The following ADAMTS8 variants were observed in gnomAD, a reference collection of about 807,000 sequenced individuals.
ADAMTS8 encodes the protein A disintegrin and metalloproteinase with thrombospondin motifs 8.
Under a neutral mutation model 64.4 loss-of-function variants are expected in ADAMTS8, and 50 were observed. The ratio of observed to expected loss-of-function variants is 0.78; its 90% confidence interval spans 0.62 to 0.98. The LOEUF (loss-of-function observed/expected upper bound fraction) is 0.98, where lower values mean the gene tolerates loss of function less well. Ranked by LOEUF, ADAMTS8 falls within the 50% of genes least tolerant of loss-of-function variation. The pLI is 0.00. For synonymous variants in ADAMTS8, 556 were observed against 533.6 expected (o/e 1.04, Z -0.58); for missense variants, 1,192 against 1,208.2 (o/e 0.99, Z 0.20).
At position 130,416,209 on chromosome 11, in the gene ADAMTS8, G is replaced by A; in HGVS notation, c.1218C>T (p.Ser406=). 1 of 1,597,926 alleles carries A rather than the reference G, an allele frequency of 6.3e-7. No homozygotes were observed. The highest frequency in any genetic ancestry group is 2.3e-5 in the East Asian group (1 of 44,032). The change falls in exon 4 of 9, where the codon TCC becomes TCT. Residue 406 remains serine, a synonymous_variant. Coordinates refer to ENST00000257359, the MANE Select transcript of ADAMTS8 (RefSeq NM_007037.6). The surrounding 1 kb of genome is among the most constrained non-coding windows in gnomAD (Gnocchi z 4.8). ...CTGTGAGATACATGGCGCTGCAGGG[G>A]GACCAGGGCAGCGTCTGGTTCAGGT... ...FVHLNQTLPW[S]PCSAMYLTEL... is the part of the protein sequence containing the mutation.
At chr11:130,406,334 G>C (rs151161033) in intron 8 of ADAMTS8, among the ~76,000 whole-genome samples, 1 of 152,348 alleles carries the variant, frequency 6.6e-6, no homozygotes, top group African/African-American at 2.4e-5. Context: ...AAGGGTGTTT[G>C]CTTCATCTGG....
Position 130,427,931 on chromosome 11 carries a change from C to A in ADAMTS8, c.356G>T (p.Cys119Phe). 6.5e-7 allele frequency: 1 copy of A among 1,532,798 alleles called. No homozygotes were observed. The highest frequency in any genetic ancestry group is 8.7e-7 in the Non-Finnish European group (1 of 1,146,002). 94.9% of individuals were successfully genotyped at this position (1,532,798 alleles called of 1,614,324 possible). The change falls in exon 1 of 9, where the codon TGC becomes TTC. Residue 119 changes from cysteine (C) to phenylalanine (F), a missense_variant. By Grantham distance (205) the Cys-to-Phe change is radical. Coordinates refer to ENST00000257359, the MANE Select transcript of ADAMTS8 (RefSeq NM_007037.6). Reference protein sequence around the residue: ...EPESLAAVSLCRGLSGSFLLD... With the variant: ...EPESLAAVSLFRGLSGSFLLD... The stretch of plus-strand genomic sequence containing the variant: ...CAGGAAGGAGCCGCTCAGCCCGCGG[C>A]ACAGGCTGACCGCCGCCAGCGACTC...
At position 130,419,176 on chromosome 11, in the gene ADAMTS8, G is replaced by A. The variant is rs200985372; in HGVS notation, c.837C>T (p.Gly279=). ...GCCCCCCATTGTCGGACACCTCTGG[G>A]CCCCATTTTTCATCTTCTACGATCA... is the stretch of plus-strand genomic sequence containing the variant. ...KVLIVEDEKW[G]PEVSDNGGLT... Residue 279 remains glycine, a synonymous_variant, in exon 2 of 9, where the codon GGC becomes GGT. Coordinates refer to ENST00000257359, the MANE Select transcript of ADAMTS8 (RefSeq NM_007037.6). 1.8e-3 allele frequency: 2,965 copies of A among 1,614,162 alleles called. 7 individuals carry two copies. The highest frequency in any genetic ancestry group is 3.3e-3 in the Middle Eastern group (20 of 6,062).
At chr11:130,427,451 CTTTTTTTTTTTT>C (rs36087476) in intron 1 of ADAMTS8, 104 bp downstream of exon 1, 20 of 438,496 alleles carry the variant, frequency 4.6e-5, no homozygotes, top group East Asian at 3.1e-4. Context: ...GTGGGGAGGG[CTTTTTTTTTTTT>C]TTTTTTTTTT....
Position 130,414,614 on chromosome 11 carries a change from A to G in ADAMTS8, c.1483T>C (p.Trp495Arg), listed in dbSNP as rs771959341. The change falls in exon 5 of 9, where the codon TGG (tryptophan) becomes CGG (arginine). Residue 495 changes from tryptophan to arginine, a missense_variant. Physicochemically the swap from Trp to Arg is moderately radical, Grantham distance 101 (BLOSUM62 -3). Transcript: ENST00000257359. ...GGCCCGCACGGCGTGCCGTCAGCCC[A>G]GGGCAGGCTGCCATTCTTCGTGTGG... The part of the protein sequence containing the change: ...LCHTKNGSLP[W>R]ADGTPCGPGH... 6 of 1,613,434 alleles carry G rather than the reference A, an allele frequency of 3.7e-6. No homozygotes were observed. The highest frequency in any genetic ancestry group is 4.2e-6 in the Non-Finnish European group (5 of 1,180,004).
chr11:130,406,151 C>A, intron 8 of ADAMTS8, 23 bp from the exon 9 acceptor site: 1 of 1,585,168 alleles, frequency 6.3e-7, no homozygotes, highest in Non-Finnish European at 8.6e-7. Context: ...CAGAAGGACA[C>A]CCTTAGACCA....
intron 1 of ADAMTS8, among the ~76,000 whole-genome samples, chr11:130,419,777 C>T (rs189116760): frequency 8.5e-4 from 130 of 152,320 alleles, no homozygotes; most frequent in African/African-American, 2.9e-3. Flanking sequence ...CCCCACCCGT[C>T]CCCGGCCTCA....
intron 1 of ADAMTS8, among the ~76,000 whole-genome samples, chr11:130,424,788 C>T (rs1261883942): frequency 6.6e-6 from 1 of 152,108 alleles, no homozygotes; most frequent in Non-Finnish European, 1.5e-5. Flanking sequence ...CTGGTCAGCT[C>T]ATCATAGCAC....
At position 130,427,959 on chromosome 11, in the gene ADAMTS8, G is replaced by T. The variant is rs1242639039; in HGVS notation, c.328C>A (p.Pro110Thr). The change falls in exon 1 of 9, where the codon CCC (proline) becomes ACC (threonine). Residue 110 changes from proline (P) to threonine (T), a missense_variant. Pro to Thr is a conservative substitution (Grantham distance 38). Around this residue, in one of 5 missense-constraint regions of ADAMTS8, gnomAD observed 741 missense variants for 710.6 expected, o/e 1.04. Coordinates refer to ENST00000257359, the MANE Select transcript of ADAMTS8 (RefSeq NM_007037.6). ...CFFSGTVNGEPESLAAVSLCR... is the reference protein window; with the variant it reads ...CFFSGTVNGETESLAAVSLCR... ...AGGCTGACCGCCGCCAGCGACTCGG[G>T]CTCCCCATTCACGGTGCCGGAGAAG... The T allele has an allele frequency of 3.3e-6, 5 of 1,531,962 alleles. No homozygotes were observed. Among genetic ancestry groups the T allele is most frequent in the Non-Finnish European group, 4.4e-6 (5 of 1,145,644 alleles). The allele number at this position is 1,531,962 out of a possible 1,614,324, so 94.9% of individuals were successfully genotyped here.
Position 130,408,959 on chromosome 11 carries a change from G to T in ADAMTS8, c.1751-19C>A, listed in dbSNP as rs981774942. 1 of 1,520,216 alleles carries T rather than the reference G, an allele frequency of 6.6e-7. No homozygotes were observed. The highest frequency in any genetic ancestry group is 1.4e-5 in the African/African-American group (1 of 72,038). The allele number at this position is 1,520,216 out of a possible 1,614,324, so 94.2% of individuals were successfully genotyped here. A position where few individuals can be genotyped will look rare whatever the true frequency, so the allele number is the denominator to read the frequency against. On this transcript the variant is annotated intron_variant, in intron 6 of 8. Transcript: ENST00000257359. Reference sequence around the variant, plus strand: ...CTTTTCCCTAGAAAGAGGAAGAAACGGCATGGAGGTGACACCCATGCGGAA... The same window carrying T: ...CTTTTCCCTAGAAAGAGGAAGAAACTGCATGGAGGTGACACCCATGCGGAA...
At chr11:130,409,885 G>T (rs539003502) in intron 6 of ADAMTS8, among the ~76,000 whole-genome samples, 30 of 152,252 alleles carry the variant, frequency 2.0e-4, no homozygotes, top group Non-Finnish European at 3.4e-4. Flanking sequence ...CCACGCCTGA[G>T]ACTCTGAGTC....
chr11:130,418,332 T>C (rs1326183729), intron 2 of ADAMTS8, among the ~76,000 whole-genome samples: 1 of 152,134 alleles, frequency 6.6e-6, no homozygotes, highest in Admixed American at 6.6e-5. Flanking sequence ...AGGCTGGCTG[T>C]ATCCTAGGGC....
At chr11:130,409,023 C>A in intron 6 of ADAMTS8, 83 bp from the exon 7 acceptor site, 1 of 1,475,578 alleles carries the variant, frequency 6.8e-7, no homozygotes, top group Non-Finnish European at 9.0e-7. Flanking sequence ...ATTTACAGCA[C>A]TTTTCTTCTT....
chr11:130,407,365 C>T (rs534862251), intron 8 of ADAMTS8, among the ~76,000 whole-genome samples: 59 of 152,068 alleles, frequency 3.9e-4, no homozygotes, highest in African/African-American at 1.4e-3. Context: ...GACTCTGTCT[C>T]AAAATAATAA....
At chr11:130,427,140 C>T (rs1862177099) in intron 1 of ADAMTS8, among the ~76,000 whole-genome samples, 1 of 152,276 alleles carries the variant, frequency 6.6e-6, no homozygotes, top group Non-Finnish European at 1.5e-5. Flanking sequence ...GGGAGCCTCT[C>T]AGATCTGGAG....
rs146519089 is a variant in ADAMTS8 at position 130,419,074 on chromosome 11, C to T, written c.939G>A (p.Thr313=). 69 of 1,614,138 alleles carry T rather than the reference C, an allele frequency of 4.3e-5. No homozygotes were observed. In the African/African-American group the frequency reaches 7.5e-4, roughly 17 times the overall value. ...GGACCTGTCTGGTGAGCAGGATGGCCGTGTCGTAGTGCTCTGGGTGGCGGT... is the reference window on the plus strand; with the variant it reads ...GGACCTGTCTGGTGAGCAGGATGGCTGTGTCGTAGTGCTCTGGGTGGCGGT... ...PSDRHPEHYD[T]AILLTRQNFC... is the part of the protein sequence containing the mutation. Residue 313 remains threonine, a synonymous_variant, in exon 2 of 9, where the codon ACG becomes ACA. Coordinates refer to ENST00000257359, the MANE Select transcript of ADAMTS8 (RefSeq NM_007037.6).
chr11:130,415,460 C>T (rs767239492), intron 4 of ADAMTS8, among the ~76,000 whole-genome samples: 1 of 151,894 alleles, frequency 6.6e-6, no homozygotes, highest in South Asian at 2.1e-4. Flanking sequence ...TGTGCTACCA[C>T]GCCTGGCTAA....
chr11:130,409,773 C>T (rs1394679698), intron 6 of ADAMTS8, among the ~76,000 whole-genome samples: 1 of 152,208 alleles, frequency 6.6e-6, no homozygotes, highest in South Asian at 2.1e-4. Context: ...TTGCTTTCCA[C>T]CCCCAAATCC....
chr11:130,428,406 C>T lies in ADAMTS8; in HGVS notation c.-120G>A. ...CAGGAAAAGCGGAATCAATCGGGTG[C>T]AAGGCCGACTCGGCCCGCGGGGCCC... On this transcript the variant is annotated 5_prime_UTR_variant, in exon 1 of 9. Coordinates refer to ENST00000257359, the MANE Select transcript of ADAMTS8 (RefSeq NM_007037.6). 1 of 1,128,256 alleles carries T rather than the reference C, an allele frequency of 8.9e-7. No individual in the cohort carries two copies. The highest frequency in any genetic ancestry group is 1.1e-6 in the Non-Finnish European group (1 of 918,754). 69.9% of individuals were successfully genotyped at this position (1,128,256 alleles called of 1,614,324 possible).
Sources: allele counts gnomAD v4.1 joint callset (sites outside exome capture counted in the v4.1 genomes callset), GRCh38; gene constraint gnomAD v4.1.1; regional missense constraint gnomAD v4.1.1; non-coding constraint Gnocchi (gnomAD v3.1); transcripts MANE v1.5; gene names NCBI Gene and HGNC (gene_info 2026-07-23, HGNC 2026-07-21).